The following IMMP2L variants were observed in gnomAD, a reference collection of about 807,000 sequenced individuals.
IMMP2L encodes inner mitochondrial membrane peptidase subunit 2.
In IMMP2L, 18 loss-of-function variants were observed where a neutral mutation model predicts 19.3. The ratio of observed to expected loss-of-function variants is 0.93; its 90% confidence interval spans 0.64 to 1.38. The LOEUF (loss-of-function observed/expected upper bound fraction) is 1.38, where lower values mean the gene tolerates loss of function less well. IMMP2L is among the 40% of genes most tolerant of loss of function. IMMP2L has a pLI of 0.00. For missense variants in IMMP2L, 233 were observed against 218.2 expected (o/e 1.07, Z -0.43); for synonymous variants, 76 against 73.0 (o/e 1.04, Z -0.21).
At chr7:110,669,104 TATATAG>T (rs1430696126) in intron 5 of IMMP2L, among the ~76,000 whole-genome samples, 47 of 143,628 alleles carry the variant, frequency 3.3e-4, no homozygotes, top group African/African-American at 1.2e-3. Flanking sequence ...TGTATATATA[TATATAG>T]AGAGAGAGAG....
chr7:111,009,323 A>T (rs993421986), intron 3 of IMMP2L, among the ~76,000 whole-genome samples: 11 of 152,142 alleles, frequency 7.2e-5, no homozygotes, highest in Non-Finnish European at 1.0e-4. Flanking sequence ...ACACTATATT[A>T]GTAAGCCAAA....
At chr7:111,397,062 T>G (rs1832946621) in intron 3 of IMMP2L, among the ~76,000 whole-genome samples, 2 of 151,926 alleles carry the variant, frequency 1.3e-5, no homozygotes, top group East Asian at 3.9e-4. Flanking sequence ...CACTCCAGCC[T>G]GGGCAACAGA....
At chr7:110,763,137 A>C (rs934706859) in intron 5 of IMMP2L, among the ~76,000 whole-genome samples, 1 of 152,112 alleles carries the variant, frequency 6.6e-6, no homozygotes, top group Non-Finnish European at 1.5e-5. Context: ...CTTTGGGATA[A>C]CATCCTGAGA....
At chr7:111,517,014 C>A (rs896229151) in intron 2 of IMMP2L, among the ~76,000 whole-genome samples, 5 of 152,040 alleles carry the variant, frequency 3.3e-5, no homozygotes, top group Non-Finnish European at 5.9e-5. Context: ...CACAATGTAT[C>A]TCTTTTCTTA....
intron 3 of IMMP2L, among the ~76,000 whole-genome samples, chr7:111,311,774 C>A (rs974395009): frequency 2.0e-5 from 3 of 152,150 alleles, no homozygotes; most frequent in Non-Finnish European, 4.4e-5. Context: ...TTTCAGCCAC[C>A]ATCAAAAATT....
At chr7:111,125,655 T>C (rs926068152) in intron 3 of IMMP2L, among the ~76,000 whole-genome samples, 15 of 152,120 alleles carry the variant, frequency 9.9e-5, no homozygotes, top group Non-Finnish European at 1.8e-4. Flanking sequence ...CCTTTAACTA[T>C]TGACAGAAAC....
At chr7:111,337,172 G>C (rs1249761114) in intron 3 of IMMP2L, among the ~76,000 whole-genome samples, 1 of 151,962 alleles carries the variant, frequency 6.6e-6, no homozygotes, top group Non-Finnish European at 1.5e-5. Flanking sequence ...ATCCACAGCT[G>C]TCAGCTAAAT....
Position 111,111,618 on chromosome 7 carries a change from T to G in IMMP2L, c.240-148053A>C, listed in dbSNP as rs76673646. Among the ~76,000 whole-genome samples the G allele has an allele frequency of 3.4e-3, 510 of 152,082 alleles. 4 individuals are homozygous for G. The Middle Eastern group carries it at 0.044, about 13-fold the overall frequency. ...AAACACATTAAAGTAGAATTCACCATAAAGCTCTTACGAACAGAAATAATG... is the reference window on the plus strand; with the variant it reads ...AAACACATTAAAGTAGAATTCACCAGAAAGCTCTTACGAACAGAAATAATG... On this transcript the variant is annotated intron_variant, in intron 3 of 5. Coordinates refer to ENST00000405709, the MANE Select transcript of IMMP2L (RefSeq NM_032549.4).
At chr7:110,687,823 T>C (rs1403116896) in intron 5 of IMMP2L, among the ~76,000 whole-genome samples, 1 of 151,998 alleles carries the variant, frequency 6.6e-6, no homozygotes, top group African/African-American at 2.4e-5. Context: ...TGATGTAATC[T>C]TTCCACCCAC....
chr7:111,354,757 G>C (rs1056865628), intron 3 of IMMP2L, among the ~76,000 whole-genome samples: 1 of 151,384 alleles, frequency 6.6e-6, no homozygotes, highest in Non-Finnish European at 1.5e-5. Flanking sequence ...TTATTGGAAA[G>C]AATATTTTTT....
intron 3 of IMMP2L, among the ~76,000 whole-genome samples, chr7:111,310,992 ATTT>A (rs1411037155): frequency 6.6e-6 from 1 of 152,144 alleles, no homozygotes; most frequent in African/African-American, 2.4e-5. Flanking sequence ...CTCTTTTAAA[ATTT>A]TTAAGTATTT....
rs1279570800 is a variant in IMMP2L, at chr7:111,123,592, A to G, written c.240-160027T>C. The G allele has an allele frequency of 1.9e-6, 3 of 1,613,160 alleles. No individual in the cohort carries two copies. The highest frequency in any genetic ancestry group is 2.2e-5 in the East Asian group (1 of 44,844). On this transcript the variant is annotated intron_variant, in intron 3 of 5. Transcript: ENST00000405709. The surrounding 1 kb of genome is among the most constrained non-coding windows in gnomAD (Gnocchi z 6.4). ...GGATCTAAATAAAAATCCTATTAAT[A>G]GAATACGAAGGGGTGATTTTAGCAA...
chr7:111,184,768 A>AGTGT (rs34378495), intron 3 of IMMP2L, among the ~76,000 whole-genome samples: 113,199 of 151,038 alleles, frequency 0.75, 45,090 homozygotes, highest in East Asian at 0.9. Context: ...ATGTTTAAAA[A>AGTGT]GTGTGTGTGT....
intron 5 of IMMP2L, among the ~76,000 whole-genome samples, chr7:110,714,253 C>A (rs1795095618): frequency 6.6e-6 from 1 of 152,186 alleles, no homozygotes. Context: ...TTGAACCAAA[C>A]TTGCATCCTA....
intron 1 of IMMP2L, among the ~76,000 whole-genome samples, chr7:111,548,663 C>G (rs982218286): frequency 7.9e-5 from 12 of 151,988 alleles, no homozygotes; most frequent in African/African-American, 2.7e-4. Flanking sequence ...AATTTTAATT[C>G]ATTATCATGT....
chr7:111,119,829 A>T (rs117530699), intron 3 of IMMP2L, among the ~76,000 whole-genome samples: 2,745 of 152,304 alleles, frequency 0.018, 32 homozygotes, highest in Middle Eastern at 0.031. Flanking sequence ...GAAGGAAAGG[A>T]TCAAGGAAAT....
At chr7:110,684,517 C>G (rs566348754) in intron 5 of IMMP2L, among the ~76,000 whole-genome samples, 4 of 152,008 alleles carry the variant, frequency 2.6e-5, no homozygotes, top group Non-Finnish European at 4.4e-5. Flanking sequence ...CAATATATCA[C>G]ACAATTCCAT....
intron 1 of IMMP2L, among the ~76,000 whole-genome samples, chr7:111,546,637 G>A (rs2613585): frequency 0.8 from 121,001 of 152,070 alleles, 50,012 homozygotes; most frequent in East Asian, 0.97. Flanking sequence ...CTATGTCTTT[G>A]TTCAAACTAT....
chr7:110,991,061 A>T (rs1374840625), intron 3 of IMMP2L, among the ~76,000 whole-genome samples: 1 of 152,220 alleles, frequency 6.6e-6, no homozygotes, highest in Non-Finnish European at 1.5e-5. Context: ...ACACTGGATT[A>T]GCACAAATCC....
Sources: allele counts gnomAD v4.1 joint callset (sites outside exome capture counted in the v4.1 genomes callset), GRCh38; gene constraint gnomAD v4.1.1; non-coding constraint Gnocchi (gnomAD v3.1); transcripts MANE v1.5; gene names NCBI Gene and HGNC (gene_info 2026-07-23, HGNC 2026-07-21).